The following DCT variants were observed in gnomAD, a reference collection of about 807,000 sequenced individuals.
DCT encodes dopachrome tautomerase.
In DCT, 47 loss-of-function variants were observed where a neutral mutation model predicts 53.0. The ratio of observed to expected loss-of-function variants is 0.89; its 90% CI spans 0.70 to 1.13. The LOEUF is 1.13. DCT is among the 50% of genes most tolerant of loss of function. The pLI, the probability that DCT is intolerant of heterozygous loss-of-function variation, is 0.00. For missense variants in DCT, 669 were observed against 637.4 expected, an observed-to-expected ratio of 1.05 and a Z score of -0.53; for synonymous variants, 244 against 237.0, an observed-to-expected ratio of 1.03 and a Z score of -0.27.
rs1881991498 is a variant in DCT at position 94,437,746 on chromosome 13, AT to A, written c.*2151del. 1 of 152,206 alleles carries A rather than the reference AT, an allele frequency of 6.6e-6. No individual in the cohort carries two copies. The highest frequency in any genetic ancestry group is 2.1e-4 in the South Asian group (1 of 4,832). The allele number at this position is 152,206 out of a possible 1,614,324, so 9.4% of individuals were successfully genotyped here. On this transcript the variant is annotated 3_prime_UTR_variant, in exon 8 of 8. Transcript: ENST00000377028. ...CCTACCTTAATATTTGTTAAAATGC[AT>A]TCATAATTGATTTATTGTAAGGTCA...
At position 94,468,945 on chromosome 13, in the gene DCT, G is replaced by A. The variant is rs1305354275; in HGVS notation, c.396C>T (p.Ser132=). Residue 132 remains serine, a synonymous_variant, in exon 2 of 8, where the codon TCC becomes TCT. Coordinates refer to ENST00000377028, the MANE Select transcript of DCT (RefSeq NM_001922.5). ...KPPVIRQNIH[S]LSPQEREQFL... Reference sequence around the variant, plus strand: ...ACTGCTCTCTTTCCTGAGGACTCAAGGAATGGATGTTCTGCCGAATCACTG... The same window carrying A: ...ACTGCTCTCTTTCCTGAGGACTCAAAGAATGGATGTTCTGCCGAATCACTG... 5.0e-6 allele frequency: 8 copies of A among 1,614,154 alleles called. No homozygotes were observed. Among genetic ancestry groups the A allele is most frequent in the Non-Finnish European group, 6.8e-6 (8 of 1,180,028 alleles).
chr13:94,522,142 T>G, the DCT span, among the ~76,000 whole-genome samples: 1 of 152,236 alleles, frequency 6.6e-6, no homozygotes, highest in South Asian at 2.1e-4. Flanking sequence ...TTGATTGGAT[T>G]GAAGGATGCA....
intron 6 of DCT, among the ~76,000 whole-genome samples, chr13:94,454,922 A>G (rs1369824741): frequency 6.6e-6 from 1 of 152,194 alleles, no homozygotes; most frequent in Non-Finnish European, 1.5e-5. Flanking sequence ...ATTTATATGT[A>G]TATTACACAT....
chr13:94,465,381 T>C, intron 4 of DCT: 1 of 290,266 alleles, frequency 3.4e-6, no homozygotes, highest in Non-Finnish European at 6.4e-6. Context: ...TGCACTAATC[T>C]GATAAAACTA....
chr13:94,445,725 A>T, intron 6 of DCT: 1 of 1,587,726 alleles, frequency 6.3e-7, no homozygotes, highest in Non-Finnish European at 8.6e-7. Flanking sequence ...TTACCAGCAC[A>T]TGCAGGGAAG....
At chr13:94,449,972 C>T (rs1014071295) in intron 6 of DCT, among the ~76,000 whole-genome samples, 2 of 152,198 alleles carry the variant, frequency 1.3e-5, no homozygotes, top group East Asian at 3.9e-4. Flanking sequence ...TGCCCTACCC[C>T]GAACAAATTC....
In DCT at chr13:94,438,548, A is replaced by G. The variant is rs1566787626; in HGVS notation, c.*1350T>C. 8.8e-6 allele frequency: 4 copies of G among 455,146 alleles called. No homozygotes were observed. Among genetic ancestry groups the G allele is most frequent in the Admixed American group, 7.1e-5 (3 of 42,458 alleles). The allele number at this position is 455,146 out of a possible 1,614,324, so 28.2% of individuals were successfully genotyped here. A position where few individuals can be genotyped will look rare whatever the true frequency, so the allele number is the denominator to read the frequency against. On this transcript the variant is annotated 3_prime_UTR_variant, in exon 8 of 8. Coordinates refer to ENST00000377028, the MANE Select transcript of DCT (RefSeq NM_001922.5). ...CCCATTCTTTACATTCATTCATTCC[A>G]GTAGAGAGGGGCCTCGACAGACAAG...
intron 6 of DCT, among the ~76,000 whole-genome samples, chr13:94,446,055 G>A (rs963763440): frequency 6.6e-6 from 1 of 152,200 alleles, no homozygotes; most frequent in Admixed American, 6.5e-5. Flanking sequence ...GGGTAGCTAA[G>A]AGATCCAGAC....
At chr13:94,494,664 C>T in the DCT span, among the ~76,000 whole-genome samples, 3 of 152,162 alleles carry the variant, frequency 2.0e-5, no homozygotes, top group South Asian at 4.1e-4. Flanking sequence ...AGGAATGATT[C>T]ACTGCATTAT....
chr13:94,518,478 A>G, the DCT span, among the ~76,000 whole-genome samples: 3 of 152,154 alleles, frequency 2.0e-5, no homozygotes, highest in African/African-American at 7.2e-5. Context: ...TGGCCCTAAT[A>G]CTGTCCAGTT....
At chr13:94,462,434 A>G (rs1483854265) in intron 4 of DCT, among the ~76,000 whole-genome samples, 1 of 151,852 alleles carries the variant, frequency 6.6e-6, no homozygotes, top group Non-Finnish European at 1.5e-5. Context: ...CAGGAGACAG[A>G]GGCTGCAGTG....
rs1882644301 is a variant in DCT, at chr13:94,445,322, A to G, written c.1180-1685T>C. Among the ~76,000 whole-genome samples the G allele has an allele frequency of 5.3e-5, 8 of 152,318 alleles. No individual in the cohort carries two copies. The South Asian group carries it at 1.5e-3, about 28-fold the overall frequency. Reference sequence around the variant, plus strand: ...TTTGTGACTTTCAAGGTTAAATCATAAAGTGTATTGCAGTTCCTATCTTGT... The same window carrying G: ...TTTGTGACTTTCAAGGTTAAATCATGAAGTGTATTGCAGTTCCTATCTTGT... On this transcript the variant is annotated intron_variant, in intron 6 of 7. Transcript: ENST00000377028.
chr13:94,453,131 AATT>A (rs1390935188), intron 6 of DCT, among the ~76,000 whole-genome samples: 1 of 152,168 alleles, frequency 6.6e-6, no homozygotes, highest in Non-Finnish European at 1.5e-5. Context: ...CTCTGAATCC[AATT>A]ATAAGTAATC....
At chr13:94,496,513 A>C in the DCT span, among the ~76,000 whole-genome samples, 1 of 152,100 alleles carries the variant, frequency 6.6e-6, no homozygotes, top group Admixed American at 6.6e-5. Context: ...CATTATTAAC[A>C]TTATTAACAT....
upstream of DCT, among the ~76,000 whole-genome samples, chr13:94,479,894 T>G (rs186666065): frequency 1.3e-5 from 2 of 152,342 alleles, no homozygotes; most frequent in East Asian, 3.9e-4. Flanking sequence ...TCTGGGCTCA[T>G]GTGCTCCAGC....
At chr13:94,516,225 A>G in the DCT span, among the ~76,000 whole-genome samples, 1 of 152,068 alleles carries the variant, frequency 6.6e-6, no homozygotes, top group Non-Finnish European at 1.5e-5. Context: ...ATTTTCTCCA[A>G]GTAGGAAAAG....
chr13:94,514,813 T>C, the DCT span, among the ~76,000 whole-genome samples: 1 of 152,286 alleles, frequency 6.6e-6, no homozygotes, highest in African/African-American at 2.4e-5. Flanking sequence ...GCTCGGCAGA[T>C]GTAGCATAAT....
chr13:94,480,185 A>T (rs1566870403), upstream of DCT, among the ~76,000 whole-genome samples: 1 of 151,772 alleles, frequency 6.6e-6, no homozygotes, highest in African/African-American at 2.4e-5. Context: ...CTACGCAGCA[A>T]TTTTTTTTTA....
At chr13:94,520,704 G>A in the DCT span, among the ~76,000 whole-genome samples, 1 of 152,006 alleles carries the variant, frequency 6.6e-6, no homozygotes, top group Non-Finnish European at 1.5e-5. Context: ...TAGCAAGGTG[G>A]GTAGAGAAAA....
Sources: allele counts gnomAD v4.1 joint callset (sites outside exome capture counted in the v4.1 genomes callset), GRCh38; gene constraint gnomAD v4.1.1; transcripts MANE v1.5; gene names NCBI Gene and HGNC (gene_info 2026-07-23, HGNC 2026-07-21).